SLC26A5: variants seen among roughly 807,000 people sequenced by gnomAD.
SLC26A5 encodes the protein solute carrier family 26 member 5.
In SLC26A5, 51 loss-of-function variants were observed where a neutral mutation model predicts 81.0. The observed-to-expected ratio is 0.63, with a 90% CI of 0.50 to 0.80. The LOEUF is 0.80. Among genes scored for constraint, SLC26A5 ranks in the 30% least tolerant of loss-of-function variants. SLC26A5 has a pLI of 0.00. For missense variants in SLC26A5, 771 were observed against 905.8 expected, an observed-to-expected ratio of 0.85 and a Z score of 1.91; for synonymous variants, 325 against 332.8, an observed-to-expected ratio of 0.98 and a Z score of 0.25.
intron 19 of SLC26A5, chr7:103,361,940 G>C (rs751659356): frequency 6.3e-7 from 1 of 1,593,274 alleles, no homozygotes; most frequent in South Asian, 1.1e-5. Flanking sequence ...TTCTAATCAA[G>C]CTTTTTGCTG....
intron 10 of SLC26A5, 134 bp from the exon 11 acceptor site, chr7:103,391,869 T>C: frequency 1.3e-6 from 1 of 747,836 alleles, no homozygotes; most frequent in Non-Finnish European, 2.3e-6. Flanking sequence ...AAGAATTTGT[T>C]CAGCATGAGT....
In SLC26A5 at chr7:103,374,440, C is replaced by A; in HGVS notation, c.2194G>T (p.Asp732Tyr). ...QEASAPPSQE[D>Y]LEPNATPATP... ...GCAGGAGTGGCATTGGGCTCCAAGT[C>A]CTCCTGGGAAGGGGGAGCCGAGGCT... Residue 732 changes from aspartate (D) to tyrosine (Y), a missense_variant, in exon 20 of 20, where the codon GAC becomes TAC. Coordinates refer to ENST00000306312, the MANE Select transcript of SLC26A5 (RefSeq NM_198999.3). The A allele has an allele frequency of 1.2e-6, 2 of 1,612,724 alleles. No individual in the cohort carries two copies. The highest frequency in any genetic ancestry group is 1.7e-6 in the Non-Finnish European group (2 of 1,179,986).
chr7:103,387,872 C>T (rs888595250), intron 14 of SLC26A5, among the ~76,000 whole-genome samples: 5 of 151,910 alleles, frequency 3.3e-5, no homozygotes, highest in African/African-American at 1.2e-4. Flanking sequence ...TTAGTAAAGA[C>T]AGGGTTTCAC....
intron 8 of SLC26A5, among the ~76,000 whole-genome samples, chr7:103,404,283 T>C (rs1362375525): frequency 6.6e-6 from 1 of 152,212 alleles, no homozygotes; most frequent in African/African-American, 2.4e-5. Context: ...ACAGTATCGA[T>C]GCTTTTTACA....
At chr7:103,415,414 A>T (rs1376440758) in intron 4 of SLC26A5, among the ~76,000 whole-genome samples, 2 of 152,092 alleles carry the variant, frequency 1.3e-5, no homozygotes, top group African/African-American at 4.8e-5. Flanking sequence ...TTCTCAAAGG[A>T]GAGCGCTCCC....
rs1075737 is a variant in SLC26A5 at position 103,430,746 on chromosome 7, G to C, written c.-53-9179C>G. Among the ~76,000 whole-genome samples the C allele has an allele frequency of 3.3e-5, 5 of 152,060 alleles. No homozygotes were observed. In the South Asian group the frequency reaches 8.3e-4, roughly 25 times the overall value. On this transcript the variant is annotated intron_variant, in intron 2 of 19. Transcript: ENST00000306312. Reference sequence around the variant, plus strand: ...AATACCAAAGGTACTGGTAGAAATCGTGCTTTGGGTGGTTACAGGAAATAA... The same window carrying C: ...AATACCAAAGGTACTGGTAGAAATCCTGCTTTGGGTGGTTACAGGAAATAA...
intron 14 of SLC26A5, among the ~76,000 whole-genome samples, chr7:103,387,949 T>G (rs950681605): frequency 5.3e-5 from 8 of 152,216 alleles, no homozygotes; most frequent in African/African-American, 1.9e-4. Context: ...CCCAAAGTGC[T>G]GGGATTCCAG....
intron 9 of SLC26A5, among the ~76,000 whole-genome samples, chr7:103,397,179 G>A (rs1158214985): frequency 6.6e-6 from 1 of 151,056 alleles, no homozygotes; most frequent in African/African-American, 2.4e-5. Flanking sequence ...AGCTGAGGCG[G>A]GCGGATCACC....
At chr7:103,441,218 T>G (rs555214349) in intron 2 of SLC26A5, among the ~76,000 whole-genome samples, 1 of 152,228 alleles carries the variant, frequency 6.6e-6, no homozygotes, top group Non-Finnish European at 1.5e-5. Context: ...GCTCAACTCA[T>G]GTCTGTCTCT....
intron 1 of SLC26A5, chr7:103,445,490 A>G (rs1191303663): frequency 6.6e-6 from 1 of 152,268 alleles, no homozygotes; most frequent in African/African-American, 2.4e-5. Flanking sequence ...GGAGGGGGCC[A>G]ATACCAAATT....
At chr7:103,405,622 C>T (rs1388249286) in intron 8 of SLC26A5, among the ~76,000 whole-genome samples, 1 of 152,160 alleles carries the variant, frequency 6.6e-6, no homozygotes, top group Non-Finnish European at 1.5e-5. Context: ...TGTCTTTGGC[C>T]CCTACTGGGA....
chr7:103,424,415 G>C (rs1233820723), intron 2 of SLC26A5, among the ~76,000 whole-genome samples: 1 of 152,126 alleles, frequency 6.6e-6, no homozygotes, highest in Non-Finnish European at 1.5e-5. Flanking sequence ...TTGTATCTTA[G>C]CAGGTGCTCA....
chr7:103,389,840 C>G (rs2116466343), intron 12 of SLC26A5, among the ~76,000 whole-genome samples: 1 of 152,216 alleles, frequency 6.6e-6, no homozygotes, highest in South Asian at 2.1e-4. Flanking sequence ...GTTGCCCAGG[C>G]TGGTCTCGAA....
chr7:103,405,071 T>C (rs570241827), intron 8 of SLC26A5, among the ~76,000 whole-genome samples: 8 of 152,286 alleles, frequency 5.3e-5, no homozygotes, highest in African/African-American at 9.6e-5. Context: ...TTATTCTAGT[T>C]AGCAATTCCT....
At chr7:103,425,275 T>C (rs756053551) in intron 2 of SLC26A5, among the ~76,000 whole-genome samples, 15 of 152,212 alleles carry the variant, frequency 9.9e-5, no homozygotes, top group Admixed American at 2.0e-4. Flanking sequence ...ACTTGACATA[T>C]TGAAAACACT....
At chr7:103,382,107 C>A (rs1006189163) in intron 14 of SLC26A5, among the ~76,000 whole-genome samples, 1 of 152,054 alleles carries the variant, frequency 6.6e-6, no homozygotes, top group African/African-American at 2.4e-5. Flanking sequence ...CAAGTTATGC[C>A]AGGGATATAT....
At chr7:103,405,545 C>CT (rs1190948367) in intron 8 of SLC26A5, among the ~76,000 whole-genome samples, 1 of 152,182 alleles carries the variant, frequency 6.6e-6, no homozygotes, top group Non-Finnish European at 1.5e-5. Context: ...CTACCTGTTC[C>CT]TTCCTCCAGA....
At chr7:103,404,709 T>C (rs571498396) in intron 8 of SLC26A5, among the ~76,000 whole-genome samples, 11 of 152,306 alleles carry the variant, frequency 7.2e-5, no homozygotes, top group African/African-American at 2.6e-4. Flanking sequence ...CTGTATTTCC[T>C]GAATTTGACT....
chr7:103,391,806 TTAA>T lies in SLC26A5; in HGVS notation c.1120-74_1120-72del. 2.7e-6 allele frequency: 3 copies of T among 1,125,778 alleles called. No homozygotes were observed. In the South Asian group the frequency reaches 3.9e-5, roughly 15 times the overall value. The allele number at this position is 1,125,778 out of a possible 1,614,324, so 69.7% of individuals were successfully genotyped here. ...AGGAAAAAAAAGCATAATAGCCCATTTAATACACATTGTCAGCACTACAGCCTA... is the reference window on the plus strand; with the variant it reads ...AGGAAAAAAAAGCATAATAGCCCATTTACACATTGTCAGCACTACAGCCTA... On this transcript the variant is annotated intron_variant, in intron 10 of 19. Coordinates refer to ENST00000306312, the MANE Select transcript of SLC26A5 (RefSeq NM_198999.3).
Sources: allele counts gnomAD v4.1 joint callset (sites outside exome capture counted in the v4.1 genomes callset), GRCh38; gene constraint gnomAD v4.1.1; transcripts MANE v1.5; gene names NCBI Gene and HGNC (gene_info 2026-07-23, HGNC 2026-07-21).